Variants in RNF123 observed in about 807,000 individuals in gnomAD.
RNF123 encodes ring finger protein 123, also known as E3 ubiquitin-protein ligase RNF123.
A neutral mutation model predicts 168.5 loss-of-function variants in RNF123; 86 were observed. The ratio of observed to expected loss-of-function variants is 0.51; its 90% CI spans 0.43 to 0.61. RNF123 has a LOEUF of 0.61. RNF123 is among the 20% of genes least tolerant of loss of function. The pLI, the probability that RNF123 is intolerant of heterozygous loss-of-function variation, is 0.00. For missense variants in RNF123, 1,419 were observed against 1,729.7 expected (o/e 0.82, Z 3.19); for synonymous variants, 666 against 689.1 (o/e 0.97, Z 0.52).
intron 27 of RNF123, 64 bp downstream of exon 27, chr3:49,712,720 CCCT>C (rs2080167445): frequency 6.4e-7 from 1 of 1,573,030 alleles, no homozygotes; most frequent in Non-Finnish European, 8.7e-7. Flanking sequence ...GCCCTAGGAG[CCCT>C]GGTCTGAGAC....
intron 35 of RNF123, 34 bp from the exon 36 acceptor site, chr3:49,720,477 C>G: frequency 1.3e-6 from 2 of 1,517,012 alleles, no homozygotes; most frequent in Non-Finnish European, 1.8e-6. Context: ...AGGCCCCAAG[C>G]CTTCTGACTG....
intron 26 of RNF123, among the ~76,000 whole-genome samples, chr3:49,709,806 C>T (rs1417371927): frequency 6.6e-6 from 1 of 151,646 alleles, no homozygotes; most frequent in Non-Finnish European, 1.5e-5. Flanking sequence ...CTGCTGACCT[C>T]AGGTGATCCG....
chr3:49,700,563 AG>A lies in RNF123; in HGVS notation c.1203+1del. ...CCCATTGTCCCAGACCTGGGCCTAC[AG>A]GTGGGAGCCCCTACCCCTGCCCTGA... is the stretch of plus-strand genomic sequence containing the variant. ...FSPIVPDLGL[Q>X]IHYLRLTIAI... On this transcript the variant is annotated frameshift_variant and splice_region_variant, in exon 14 of 39. Coordinates refer to ENST00000327697, the MANE Select transcript of RNF123 (RefSeq NM_022064.5). LOFTEE classifies it high-confidence loss of function. 4 of 1,614,156 alleles carry A rather than the reference AG, an allele frequency of 2.5e-6. No individual in the cohort carries two copies. The highest frequency in any genetic ancestry group is 3.4e-6 in the Non-Finnish European group (4 of 1,180,012).
intron 12 of RNF123, 57 bp from the exon 13 acceptor site, chr3:49,700,170 G>A: frequency 6.2e-7 from 1 of 1,606,258 alleles, no homozygotes; most frequent in Non-Finnish European, 8.5e-7. Context: ...GCCAGGGCAG[G>A]GGTGCCTTGA....
intron 26 of RNF123, among the ~76,000 whole-genome samples, chr3:49,709,573 T>A (rs964251543): frequency 2.0e-5 from 3 of 152,144 alleles, no homozygotes; most frequent in African/African-American, 7.2e-5. Flanking sequence ...GTGCTGGGAT[T>A]ACAGGCGTGA....
intron 18 of RNF123, 86 bp from the exon 19 acceptor site, chr3:49,702,248 G>A: frequency 6.3e-7 from 1 of 1,589,796 alleles, no homozygotes; most frequent in Non-Finnish European, 8.6e-7. Flanking sequence ...CCATGGCAGG[G>A]GCTGGGGGAA....
At chr3:49,702,252 G>C (rs2054417574) in intron 18 of RNF123, 82 bp from the exon 19 acceptor site, 1 of 1,585,352 alleles carries the variant, frequency 6.3e-7, no homozygotes, top group Admixed American at 1.7e-5. Flanking sequence ...GGCAGGGGCT[G>C]GGGGAAGGTG....
chr3:49,712,559 T>C lies in RNF123; in HGVS notation c.2577T>C (p.Phe859=), dbSNP rs752346432. 1 of 1,614,226 alleles carries C rather than the reference T, an allele frequency of 6.2e-7. No individual in the cohort carries two copies. The highest frequency in any genetic ancestry group is 2.2e-5 in the East Asian group (1 of 44,886). Residue 859 remains phenylalanine (F), a synonymous_variant, in exon 27 of 39, where the codon TTT becomes TTC. Transcript: ENST00000327697. Reference sequence around the variant, plus strand: ...ACGGTGATCGCACAGGGTCTCTCTTTGCCTTCATGCCCGAGTTCTACCTGA... The same window carrying C: ...ACGGTGATCGCACAGGGTCTCTCTTCGCCTTCATGCCCGAGTTCTACCTGA... The part of the protein sequence containing the change: ...IEHGDRTGSL[F]AFMPEFYLSV...
intron 25 of RNF123, 128 bp from the exon 26 acceptor site, chr3:49,706,663 G>A: frequency 1.3e-6 from 1 of 772,768 alleles, no homozygotes. Flanking sequence ...AGAAGGTTTT[G>A]AAAAATGGAG....
At chr3:49,715,214 C>T (rs1486121755) in intron 31 of RNF123, among the ~76,000 whole-genome samples, 1 of 152,170 alleles carries the variant, frequency 6.6e-6, no homozygotes, top group East Asian at 1.9e-4. Flanking sequence ...GCCTTGGTGC[C>T]GGTGGGGAAG....
Position 49,713,746 on chromosome 3 carries a change from G to T in RNF123, c.2758G>T (p.Asp920Tyr). Residue 920 changes from aspartate (D) to tyrosine (Y), a missense_variant, in exon 29 of 39, where the codon GAC becomes TAC. By Grantham distance (160) the Asp-to-Tyr change is radical. Around this residue, in one of 5 missense-constraint regions of RNF123, gnomAD observed 538 missense variants for 708.8 expected, o/e 0.76. Coordinates refer to ENST00000327697, the MANE Select transcript of RNF123 (RefSeq NM_022064.5). ...ACGGTGTGTCCCCGCAGACATCCGA[G>T]ACTCACTGATGCAGGCCCTGGCCAG... ...DARIVGTDIRDSLMQALASYV... is the reference protein window; with the variant it reads ...DARIVGTDIRYSLMQALASYV... The T allele has an allele frequency of 6.2e-7, 1 of 1,603,020 alleles. No individual in the cohort carries two copies. Among genetic ancestry groups the T allele is most frequent in the African/African-American group, 1.3e-5 (1 of 74,776 alleles).
chr3:49,699,461 C>G lies in RNF123; in HGVS notation c.765-7C>G. Reference sequence around the variant, plus strand: ...CAGATAAGGCGTTGCTGGCTTAACTCTGGCACCTACCCAGTGGCAGGCTAC... The same window carrying G: ...CAGATAAGGCGTTGCTGGCTTAACTGTGGCACCTACCCAGTGGCAGGCTAC... On this transcript the variant is annotated splice_polypyrimidine_tract_variant and splice_region_variant and intron_variant, in intron 10 of 38. Transcript: ENST00000327697. The surrounding 1 kb of genome is among the most constrained non-coding windows in gnomAD (Gnocchi z 4.8). The G allele has an allele frequency of 6.3e-7, 1 of 1,590,504 alleles. No individual in the cohort carries two copies. The highest frequency in any genetic ancestry group is 8.6e-7 in the Non-Finnish European group (1 of 1,167,630).
At chr3:49,715,125 G>A (rs900698263) in intron 31 of RNF123, among the ~76,000 whole-genome samples, 2 of 152,262 alleles carry the variant, frequency 1.3e-5, no homozygotes, top group African/African-American at 4.8e-5. Flanking sequence ...CATATGCCAA[G>A]GCCAGGCCAA....
Position 49,721,469 on chromosome 3 carries a change from T to C in RNF123, c.*164T>C. On this transcript the variant is annotated 3_prime_UTR_variant, in exon 39 of 39. Coordinates refer to ENST00000327697, the MANE Select transcript of RNF123 (RefSeq NM_022064.5). The stretch of plus-strand genomic sequence containing the variant: ...GGTGGGAGCCCAGCCATGGCCCTAA[T>C]TGTGCCTGAGCTTGACTTTCAGTCA... 2.0e-6 allele frequency: 2 copies of C among 995,988 alleles called. No individual in the cohort carries two copies. The highest frequency in any genetic ancestry group is 4.8e-5 in the East Asian group (2 of 41,900). The allele number at this position is 995,988 out of a possible 1,614,324, so 61.7% of individuals were successfully genotyped here.
chr3:49,712,898 T>G (rs1237825185), intron 27 of RNF123: 3 of 704,012 alleles, frequency 4.3e-6, no homozygotes, highest in Non-Finnish European at 7.8e-6. Flanking sequence ...ACACGGTGGG[T>G]GTAGACCTCT....
chr3:49,705,422 G>A (rs1459725140), intron 23 of RNF123, 112 bp from the exon 24 acceptor site: 2 of 1,465,730 alleles, frequency 1.4e-6, no homozygotes, highest in Non-Finnish European at 9.1e-7. Context: ...GCTCCCCGCG[G>A]GTCCCTCCTT....
chr3:49,718,569 G>A (rs1402340801), intron 35 of RNF123: 21 of 1,613,004 alleles, frequency 1.3e-5, no homozygotes, highest in South Asian at 5.5e-5. Context: ...TGGTGTTGCA[G>A]TAAAGCCTCA....
At chr3:49,689,909 C>G (rs1487185298) in intron 1 of RNF123, 5 of 152,236 alleles carry the variant, frequency 3.3e-5, no homozygotes, top group Admixed American at 3.3e-4. Context: ...CAAGGTCCGC[C>G]TCTCACCTGG....
At chr3:49,719,438 G>A (rs1559692690) in intron 35 of RNF123, 1 of 1,613,426 alleles carries the variant, frequency 6.2e-7, no homozygotes, top group Non-Finnish European at 8.5e-7. Flanking sequence ...ATGCAGAGCA[G>A]TGTCCCCAGC....
Sources: gnomAD v4.1 joint callset for allele counts (sites outside exome capture counted in the v4.1 genomes callset) on GRCh38, gnomAD v4.1.1 for gene constraint, gnomAD v4.1.1 regional missense constraint, Gnocchi (gnomAD v3.1) non-coding constraint, MANE v1.5 for transcripts, NCBI Gene and HGNC (gene_info 2026-07-23, HGNC 2026-07-21) for gene names.